The following ADGRB3 variants were observed in gnomAD, a reference collection of about 807,000 sequenced individuals.
ADGRB3 encodes brain-specific angiogenesis inhibitor 3.
A neutral mutation model predicts 193.4 loss-of-function variants in ADGRB3; 37 were observed. That is an observed-to-expected ratio of 0.19 (90% CI 0.15 to 0.25). The LOEUF is 0.25. Ranked by LOEUF, ADGRB3 falls within the 10% of genes least tolerant of loss-of-function variation. The pLI is 1.00. For missense variants in ADGRB3, 1,637 were observed against 1,852.9 expected (o/e 0.88, Z 2.14); for synonymous variants, 690 against 644.2 (o/e 1.07, Z -1.08).
rs1769117229 is a variant in ADGRB3, at chr6:69,347,291, G to A, written c.3460-6942G>A. 2.0e-5 allele frequency among the ~76,000 whole-genome samples: 3 copies of A among 152,182 alleles called. No homozygotes were observed. In the South Asian group the frequency reaches 6.2e-4, roughly 32 times the overall value. Reference sequence around the variant, plus strand: ...TTGATGGGTGCAGCAAACCACCATGGCACATGTATACCTATGTAACAAACC... The same window carrying A: ...TTGATGGGTGCAGCAAACCACCATGACACATGTATACCTATGTAACAAACC... On this transcript the variant is annotated intron_variant, in intron 26 of 31. Coordinates refer to ENST00000370598, the MANE Select transcript of ADGRB3 (RefSeq NM_001704.3).
intron 3 of ADGRB3, among the ~76,000 whole-genome samples, chr6:68,808,400 A>G (rs1167511722): frequency 6.6e-6 from 1 of 152,084 alleles, no homozygotes; most frequent in Non-Finnish European, 1.5e-5. Flanking sequence ...AGAAGGGGGA[A>G]AAAAGCAAAC....
Position 68,722,189 on chromosome 6 carries a change from G to A in ADGRB3, c.757+82757G>A, listed in dbSNP as rs538831265. 4.0e-5 allele frequency among the ~76,000 whole-genome samples: 6 copies of A among 151,770 alleles called. No homozygotes were observed. In the South Asian group the frequency reaches 1.2e-3, roughly 31 times the overall value. On this transcript the variant is annotated intron_variant, in intron 3 of 31. Coordinates refer to ENST00000370598, the MANE Select transcript of ADGRB3 (RefSeq NM_001704.3). ...GTAAATATTTTTAAAAATTGATCTTGTGGTGTTTGGTTTTCTGTTCCTATG... is the reference window on the plus strand; with the variant it reads ...GTAAATATTTTTAAAAATTGATCTTATGGTGTTTGGTTTTCTGTTCCTATG...
chr6:69,098,578 T>C (rs912547811), intron 17 of ADGRB3, among the ~76,000 whole-genome samples: 1 of 152,104 alleles, frequency 6.6e-6, no homozygotes, highest in Non-Finnish European at 1.5e-5. Flanking sequence ...GCCACACTTT[T>C]AAACCATCCG....
chr6:69,225,004 C>A (rs928036759), intron 17 of ADGRB3, among the ~76,000 whole-genome samples: 1 of 152,094 alleles, frequency 6.6e-6, no homozygotes, highest in Non-Finnish European at 1.5e-5. Context: ...TTCTCATCAT[C>A]ACTACATCCT....
Position 69,031,784 on chromosome 6 carries a change from G to A in ADGRB3, c.2107+13285G>A, listed in dbSNP as rs562326747. Among the ~76,000 whole-genome samples, 23 of 151,514 alleles carry A rather than the reference G, an allele frequency of 1.5e-4. No homozygotes were observed. In the East Asian group the frequency reaches 2.1e-3, roughly 14 times the overall value. On this transcript the variant is annotated intron_variant, in intron 13 of 31. Coordinates refer to ENST00000370598, the MANE Select transcript of ADGRB3 (RefSeq NM_001704.3). ...TGAGTAGCTGGGACTACAGTCATGC[G>A]CCACCACGCCAGGCTAATTTTGGTA...
At chr6:68,831,625 G>A (rs1767958872) in intron 3 of ADGRB3, among the ~76,000 whole-genome samples, 1 of 152,090 alleles carries the variant, frequency 6.6e-6, no homozygotes, top group African/African-American at 2.4e-5. Flanking sequence ...GGAACCTTAG[G>A]AAACTCATCA....
chr6:68,815,479 A>G (rs1257576711), intron 3 of ADGRB3, among the ~76,000 whole-genome samples: 1 of 152,114 alleles, frequency 6.6e-6, no homozygotes, highest in Non-Finnish European at 1.5e-5. Flanking sequence ...GGAGGCCCTT[A>G]TTATTAACAT....
chr6:69,242,207 T>C (rs947710563), intron 20 of ADGRB3, among the ~76,000 whole-genome samples: 5 of 151,952 alleles, frequency 3.3e-5, no homozygotes, highest in African/African-American at 1.2e-4. Flanking sequence ...TATAAACTTA[T>C]GATGTGCATA....
Position 69,104,928 on chromosome 6 carries a change from G to A in ADGRB3, c.2480+28890G>A, listed in dbSNP as rs375799591. Among the ~76,000 whole-genome samples the A allele has an allele frequency of 7.8e-4, 119 of 152,194 alleles. 1 individual carries two copies. The highest frequency in any genetic ancestry group is 2.6e-3 in the African/African-American group (107 of 41,522). ...ATTTTTCTTGTGATTGGGAGACACC[G>A]GATATCATAATCAACATACAAGTTT... On this transcript the variant is annotated intron_variant, in intron 17 of 31. Transcript: ENST00000370598.
In ADGRB3 at chr6:69,145,383, C is replaced by T. The variant is rs554152838; in HGVS notation, c.2480+69345C>T. Among the ~76,000 whole-genome samples the T allele has an allele frequency of 1.9e-4, 29 of 152,278 alleles. No individual in the cohort carries two copies. In the South Asian group the frequency reaches 5.4e-3, roughly 28 times the overall value. On this transcript the variant is annotated intron_variant, in intron 17 of 31. Transcript: ENST00000370598. ...GCTGGCACTGGGGAATGTGGTGGCA[C>T]CTGGAAGCTTGGAGACGCCAGGAAC...
chr6:68,865,703 C>T (rs1765277307), intron 3 of ADGRB3, among the ~76,000 whole-genome samples: 1 of 152,096 alleles, frequency 6.6e-6, no homozygotes, highest in African/African-American at 2.4e-5. Context: ...GCCATGGAAA[C>T]TCATTCATTT....
At chr6:68,927,477 A>G (rs1767213022) in intron 3 of ADGRB3, among the ~76,000 whole-genome samples, 2 of 152,146 alleles carry the variant, frequency 1.3e-5, no homozygotes, top group Non-Finnish European at 2.9e-5. Flanking sequence ...ATTAAAAGTG[A>G]AGAAGATAAT....
intron 11 of ADGRB3, among the ~76,000 whole-genome samples, chr6:69,000,146 G>A (rs1342187340): frequency 2.0e-5 from 3 of 151,908 alleles, no homozygotes; most frequent in African/African-American, 7.3e-5. Flanking sequence ...AGTATCTTCA[G>A]GCATGTTACT....
intron 17 of ADGRB3, among the ~76,000 whole-genome samples, chr6:69,109,497 A>C (rs1357650334): frequency 6.6e-6 from 1 of 152,224 alleles, no homozygotes; most frequent in African/African-American, 2.4e-5. Context: ...TGATTACTAG[A>C]AAACATGCCT....
chr6:69,303,291 C>G (rs547824762), intron 20 of ADGRB3, among the ~76,000 whole-genome samples: 2 of 151,616 alleles, frequency 1.3e-5, no homozygotes, highest in Non-Finnish European at 1.5e-5. Context: ...AATAAAAAAG[C>G]GAAAAAAATC....
chr6:69,091,684 T>C (rs1772713969), intron 17 of ADGRB3, among the ~76,000 whole-genome samples: 1 of 151,954 alleles, frequency 6.6e-6, no homozygotes, highest in African/African-American at 2.4e-5. Flanking sequence ...AAAACAACAG[T>C]AGGTACTAGG....
intron 17 of ADGRB3, among the ~76,000 whole-genome samples, chr6:69,230,514 G>T (rs1766109730): frequency 6.6e-6 from 1 of 152,188 alleles, no homozygotes; most frequent in South Asian, 2.1e-4. Context: ...TGCTTTCAAA[G>T]AATTTTTTAC....
At chr6:68,932,079 A>C (rs1389497498) in intron 4 of ADGRB3, among the ~76,000 whole-genome samples, 1 of 152,162 alleles carries the variant, frequency 6.6e-6, no homozygotes, top group Non-Finnish European at 1.5e-5. Context: ...CACTGAGCAG[A>C]GATTAGAGAC....
intron 17 of ADGRB3, among the ~76,000 whole-genome samples, chr6:69,220,515 T>G (rs1765870161): frequency 6.6e-6 from 1 of 152,122 alleles, no homozygotes. Context: ...AAGTGAACTT[T>G]CCTAACAAAG....
Sources: allele counts gnomAD v4.1 joint callset (sites outside exome capture counted in the v4.1 genomes callset), GRCh38; gene constraint gnomAD v4.1.1; transcripts MANE v1.5; gene names NCBI Gene and HGNC (gene_info 2026-07-23, HGNC 2026-07-21).